Variants in SORBS2 observed in about 807,000 individuals in gnomAD.
The protein encoded by SORBS2 is sorbin and SH3 domain containing 2, also known as sorbin and SH3 domain-containing protein 2.
SORBS2 carries 46 observed loss-of-function variants against 97.7 expected under a neutral mutation model. That is an observed-to-expected ratio of 0.47 (90% CI 0.37 to 0.60). The LOEUF (loss-of-function observed/expected upper bound fraction) is 0.60. SORBS2 is among the 20% of genes least tolerant of loss of function. The pLI is 0.00. For missense variants in SORBS2, 1,316 were observed against 1,282.3 expected (o/e 1.03, Z -0.40); for synonymous variants, 476 against 473.4 (o/e 1.01, Z -0.07).
At chr4:185,822,912 C>A (rs1472226686) in intron 1 of SORBS2, among the ~76,000 whole-genome samples, 2 of 152,184 alleles carry the variant, frequency 1.3e-5, no homozygotes, top group Non-Finnish European at 2.9e-5. Flanking sequence ...AAACTCGAGA[C>A]CCCAATTCAC....
At chr4:185,784,806 C>T (rs1397781025) in intron 1 of SORBS2, among the ~76,000 whole-genome samples, 2 of 152,204 alleles carry the variant, frequency 1.3e-5, no homozygotes, top group Non-Finnish European at 2.9e-5. Flanking sequence ...ATGCTTACAA[C>T]AGTTGTGGCA....
chr4:185,847,705 C>A (rs2099215379), intron 1 of SORBS2, among the ~76,000 whole-genome samples: 1 of 152,118 alleles, frequency 6.6e-6, no homozygotes, highest in African/African-American at 2.4e-5. Context: ...ACAATTTAAA[C>A]CCTGCAGACT....
intron 1 of SORBS2, among the ~76,000 whole-genome samples, chr4:185,868,491 T>C (rs1251817944): frequency 6.6e-6 from 1 of 152,030 alleles, no homozygotes; most frequent in Non-Finnish European, 1.5e-5. Context: ...CCCCAGCTCC[T>C]AAAATTTCAA....
chr4:185,637,507 G>A (rs1216109851), intron 4 of SORBS2, among the ~76,000 whole-genome samples: 1 of 152,242 alleles, frequency 6.6e-6, no homozygotes, highest in Non-Finnish European at 1.5e-5. Context: ...GTATATTATA[G>A]TGAGAACTGC....
At chr4:185,693,873 CAAAG>C (rs1368514796) in intron 2 of SORBS2, among the ~76,000 whole-genome samples, 1 of 152,128 alleles carries the variant, frequency 6.6e-6, no homozygotes, top group African/African-American at 2.4e-5. Context: ...TTAACGAGAA[CAAAG>C]AAAGGCGCCA....
At chr4:185,597,510 C>T (rs2096135385) in intron 12 of SORBS2, among the ~76,000 whole-genome samples, 1 of 152,074 alleles carries the variant, frequency 6.6e-6, no homozygotes, top group African/African-American at 2.4e-5. Context: ...CTTAATACGA[C>T]AAATAGGTAA....
intron 3 of SORBS2, among the ~76,000 whole-genome samples, chr4:185,648,056 C>T (rs2097244778): frequency 6.6e-6 from 1 of 152,146 alleles, no homozygotes; most frequent in Non-Finnish European, 1.5e-5. Flanking sequence ...CCCTTTCACA[C>T]ACGATGTGTG....
chr4:185,713,173 T>G (rs2098438232), intron 2 of SORBS2, among the ~76,000 whole-genome samples: 2 of 152,162 alleles, frequency 1.3e-5, no homozygotes, highest in Admixed American at 1.3e-4. Context: ...TCTTCCTCTT[T>G]GTCCTCCAGC....
chr4:185,792,902 C>G (rs2099087497), intron 1 of SORBS2, among the ~76,000 whole-genome samples: 1 of 152,226 alleles, frequency 6.6e-6, no homozygotes, highest in Non-Finnish European at 1.5e-5. Context: ...ACTTTCCCCA[C>G]ATGTGTGACC....
intron 1 of SORBS2, among the ~76,000 whole-genome samples, chr4:185,827,855 GCGTC>G (rs1561212964): frequency 1.7e-5 from 2 of 120,982 alleles, no homozygotes; most frequent in East Asian, 5.2e-4. Flanking sequence ...ACCATCATCA[GCGTC>G]ACCATCATCA....
chr4:185,824,320 G>T (rs1349058982), intron 1 of SORBS2, among the ~76,000 whole-genome samples: 1 of 152,108 alleles, frequency 6.6e-6, no homozygotes, highest in African/African-American at 2.4e-5. Context: ...CATCTTCCCT[G>T]TGTGTGTCTG....
chr4:185,617,198 G>A (rs558777144), intron 9 of SORBS2, among the ~76,000 whole-genome samples: 14 of 152,170 alleles, frequency 9.2e-5, no homozygotes, highest in South Asian at 6.2e-4. Flanking sequence ...CGTGTGCTCC[G>A]TAACATTATT....
At chr4:185,682,968 G>A (rs1176786054) in intron 2 of SORBS2, among the ~76,000 whole-genome samples, 1 of 148,858 alleles carries the variant, frequency 6.7e-6, no homozygotes, top group Non-Finnish European at 1.5e-5. Flanking sequence ...AGCCAAGATC[G>A]TGCCACAGCA....
At chr4:185,790,159 G>A (rs960396377) in intron 1 of SORBS2, among the ~76,000 whole-genome samples, 2 of 151,522 alleles carry the variant, frequency 1.3e-5, no homozygotes, top group Admixed American at 6.6e-5. Context: ...ATTTATTCAG[G>A]ATATGAGAAG....
intron 1 of SORBS2, among the ~76,000 whole-genome samples, chr4:185,863,562 A>G (rs1237750691): frequency 1.3e-5 from 2 of 152,168 alleles, no homozygotes; most frequent in Admixed American, 1.3e-4. Flanking sequence ...GCATAGGATT[A>G]TTTTCATTAT....
At position 185,652,744 on chromosome 4, in the gene SORBS2, C is replaced by T. The variant is rs202086092; in HGVS notation, c.25-16G>A. On this transcript the variant is annotated splice_polypyrimidine_tract_variant and intron_variant, in intron 1 of 14. Coordinates refer to ENST00000418609, the Ensembl canonical transcript of SORBS2. ...GGTCGACTGTCTGTAATGAAGAGAGCGTCCAATGGTTACAAACTGGCTTCC... is the reference window on the plus strand; with the variant it reads ...GGTCGACTGTCTGTAATGAAGAGAGTGTCCAATGGTTACAAACTGGCTTCC... 179 of 1,606,150 alleles carry T rather than the reference C, an allele frequency of 1.1e-4. No homozygotes were observed. The East Asian group carries it at 3.0e-3, about 27-fold the overall frequency.
intron 1 of SORBS2, among the ~76,000 whole-genome samples, chr4:185,931,832 T>C (rs75156654): frequency 0.023 from 3,521 of 151,782 alleles, 152 homozygotes; most frequent in African/African-American, 0.081. Context: ...CATGCACACA[T>C]GCAGAAAGAG....
chr4:185,916,138 G>A (rs182223110), intron 1 of SORBS2, among the ~76,000 whole-genome samples: 2 of 152,268 alleles, frequency 1.3e-5, no homozygotes, highest in South Asian at 2.1e-4. Context: ...GGCCACTCAG[G>A]GTGCAGTATG....
chr4:185,937,021 T>G (rs1269251909), intron 1 of SORBS2, among the ~76,000 whole-genome samples: 1 of 152,274 alleles, frequency 6.6e-6, no homozygotes, highest in African/African-American at 2.4e-5. Context: ...CCAAATGTAA[T>G]TGAAATTCCA....
Sources: allele counts gnomAD v4.1 joint callset (sites outside exome capture counted in the v4.1 genomes callset), GRCh38; gene constraint gnomAD v4.1.1; transcripts MANE v1.5; gene names NCBI Gene and HGNC (gene_info 2026-07-23, HGNC 2026-07-21).